Variants in MTCH1 observed in about 807,000 individuals in gnomAD.
MTCH1 encodes mitochondrial carrier 1, also known as mitochondrial carrier homolog 1.
MTCH1 carries 23 observed loss-of-function variants against 49.3 expected under a neutral mutation model. The observed-to-expected ratio is 0.47, with a 90% CI of 0.34 to 0.66. The LOEUF (loss-of-function observed/expected upper bound fraction) is 0.66. MTCH1 is among the 30% of genes least tolerant of loss of function. The pLI, the probability that MTCH1 is intolerant of heterozygous loss-of-function variation, is 0.01. For synonymous variants in MTCH1, 229 were observed against 215.2 expected, an observed-to-expected ratio of 1.06 and a Z score of -0.56; for missense variants, 397 against 532.1, an observed-to-expected ratio of 0.75 and a Z score of 2.50.
At chr6:36,985,173 C>A (rs911360602) in intron 1 of MTCH1, among the ~76,000 whole-genome samples, 1 of 151,778 alleles carries the variant, frequency 6.6e-6, no homozygotes, top group Non-Finnish European at 1.5e-5. Flanking sequence ...CGATAGCATT[C>A]CCCTGCAAAA....
intron 2 of MTCH1, among the ~76,000 whole-genome samples, chr6:36,980,482 G>A (rs1204514009): frequency 1.3e-5 from 2 of 152,098 alleles, no homozygotes; most frequent in East Asian, 1.9e-4. Context: ...TCTCCACTAC[G>A]CTGACAATTT....
rs561474203 is a variant in MTCH1, at chr6:36,986,031, C to T, written c.143G>A (p.Arg48His). The T allele has an allele frequency of 2.0e-6, 3 of 1,511,606 alleles. No homozygotes were observed. The highest frequency in any genetic ancestry group is 2.9e-5 in the African/African-American group (2 of 69,832). 93.6% of individuals were successfully genotyped at this position (1,511,606 alleles called of 1,614,324 possible). The part of the protein sequence containing the change: ...ARARDPPPAH[R>H]AHPRHPRPAA... Reference sequence around the variant, plus strand: ...AGGCCGAGGGTGGCGAGGATGTGCGCGGTGCGCGGGCGGTGGATCGCGAGC... The same window carrying T: ...AGGCCGAGGGTGGCGAGGATGTGCGTGGTGCGCGGGCGGTGGATCGCGAGC... Residue 48 changes from arginine (R) to histidine (H), a missense_variant, in exon 1 of 12, where the codon CGC becomes CAC. Around this residue, in one of 2 missense-constraint regions of MTCH1, gnomAD observed 145 missense variants for 143.8 expected, o/e 1.01. Transcript: ENST00000373627.
chr6:36,978,031 C>T lies in MTCH1; in HGVS notation c.591+47G>A, dbSNP rs188935847. ...GCCCAACTTGGGGGTGAGAAATCAT[C>T]AGGCTCCCCTCCACGCACCTCTCCC... On this transcript the variant is annotated intron_variant, in intron 4 of 11. Transcript: ENST00000373627. 1.1e-4 allele frequency: 160 copies of T among 1,515,646 alleles called. 1 individual carries two copies. In the African/African-American group the frequency reaches 1.6e-3, roughly 15 times the overall value. 93.9% of individuals were successfully genotyped at this position (1,515,646 alleles called of 1,614,324 possible). A position where few individuals can be genotyped will look rare whatever the true frequency, so the allele number is the denominator to read the frequency against.
Position 36,970,665 on chromosome 6 carries a change from A to G in MTCH1, c.936T>C (p.Tyr312=). ...AACTTACCCCCATCACGAACTTGGT[A>G]TAGCTCCGGATGGCCAGGGCCTGGC... ...QFSQALAIRS[Y]TKFVMGIAVS... is the part of the protein sequence containing the mutation. The change falls in exon 9 of 12, where the codon TAT becomes TAC. Residue 312 remains tyrosine, a synonymous_variant. Transcript: ENST00000373627. 1 of 1,614,196 alleles carries G rather than the reference A, an allele frequency of 6.2e-7. No homozygotes were observed.
rs144365701 is a variant in MTCH1, at chr6:36,970,672, C to T, written c.929G>A (p.Arg310Gln). The T allele has an allele frequency of 1.1e-5, 18 of 1,614,046 alleles. No homozygotes were observed. The highest frequency in any genetic ancestry group is 2.7e-5 in the African/African-American group (2 of 74,944). The change falls in exon 9 of 12, where the codon CGG becomes CAG. Residue 310 changes from arginine (R) to glutamine (Q), a missense_variant. Around this residue, in one of 2 missense-constraint regions of MTCH1, gnomAD observed 252 missense variants for 388.3 expected, o/e 0.65. Transcript: ENST00000373627. Reference sequence around the variant, plus strand: ...CCCCATCACGAACTTGGTATAGCTCCGGATGGCCAGGGCCTGGCTGAACTG... The same window carrying T: ...CCCCATCACGAACTTGGTATAGCTCTGGATGGCCAGGGCCTGGCTGAACTG... ...GSQFSQALAI[R>Q]SYTKFVMGIA...
Position 36,972,972 on chromosome 6 carries a change from G to C in MTCH1, c.762-176C>G, listed in dbSNP as rs1421870276. Among the ~76,000 whole-genome samples the C allele has an allele frequency of 6.6e-6, 1 of 152,170 alleles. No individual in the cohort carries two copies. Among genetic ancestry groups the C allele is most frequent in the Non-Finnish European group, 1.5e-5 (1 of 68,030 alleles). ...CAGCTATGCACACTGGGAAGATAGT[G>C]CTCCTTTTCCCATGGGGAGGTGTTC... On this transcript the variant is annotated intron_variant, in intron 7 of 11. Coordinates refer to ENST00000373627, the MANE Select transcript of MTCH1 (RefSeq NM_001271641.2). This position sits in a 1 kb window ranked among gnomAD's most constrained non-coding sequence, Gnocchi z 4.1.
intron 2 of MTCH1, among the ~76,000 whole-genome samples, chr6:36,980,874 C>A (rs1680881639): frequency 6.6e-6 from 1 of 152,194 alleles, no homozygotes; most frequent in African/African-American, 2.4e-5. Flanking sequence ...AAGGCCCTGG[C>A]CAGACGGCAC....
intron 1 of MTCH1, among the ~76,000 whole-genome samples, chr6:36,983,816 C>G (rs1213530686): frequency 6.6e-6 from 1 of 152,166 alleles, no homozygotes; most frequent in Non-Finnish European, 1.5e-5. Context: ...AGTAATTTGC[C>G]TTTCTGCAAG....
At chr6:36,969,398 G>A in intron 11 of MTCH1, 2 of 1,076,028 alleles carry the variant, frequency 1.9e-6, no homozygotes, top group East Asian at 7.7e-5. Context: ...CTCCCTCCGG[G>A]CCACTGCCCC....
rs988109891 is a variant in MTCH1 at position 36,977,331 on chromosome 6, A to G, written c.650-81T>C. 1 of 1,485,170 alleles carries G rather than the reference A, an allele frequency of 6.7e-7. No individual in the cohort carries two copies. Among genetic ancestry groups the G allele is most frequent in the Non-Finnish European group, 9.4e-7 (1 of 1,069,352 alleles). 92.0% of individuals were successfully genotyped at this position (1,485,170 alleles called of 1,614,324 possible). On this transcript the variant is annotated intron_variant, in intron 5 of 11. Transcript: ENST00000373627. This position sits in a 1 kb window ranked among gnomAD's most constrained non-coding sequence, Gnocchi z 5.4. Reference sequence around the variant, plus strand: ...GCTCCAGCCACCGGGTGCCAGGTGCAGAGTGGCCACTGAACAACGTGGCCT... The same window carrying G: ...GCTCCAGCCACCGGGTGCCAGGTGCGGAGTGGCCACTGAACAACGTGGCCT...
chr6:36,969,497 T>C (rs1315197609), intron 11 of MTCH1: 1 of 1,079,898 alleles, frequency 9.3e-7, no homozygotes, highest in Non-Finnish European at 1.1e-6. Flanking sequence ...GCCCAAGAGC[T>C]CCAGCTACGG....
Position 36,978,596 on chromosome 6 carries a change from T to C in MTCH1, c.422A>G (p.Gln141Arg), listed in dbSNP as rs1466405250. 6.2e-7 allele frequency: 1 copy of C among 1,614,064 alleles called. No homozygotes were observed. The highest frequency in any genetic ancestry group is 8.5e-7 in the Non-Finnish European group (1 of 1,179,966). ...SFFTYAKYIV[Q>R]VDGKIGLFRG... ...GAACAGCCCTATCTTACCATCCACT[T>C]GCACGATGTACTTGGCTGTAAGAAA... Residue 141 changes from glutamine to arginine, a missense_variant, in exon 3 of 12, where the codon CAA (glutamine) becomes CGA (arginine). Around this residue, in one of 2 missense-constraint regions of MTCH1, gnomAD observed 252 missense variants for 388.3 expected, o/e 0.65. Coordinates refer to ENST00000373627, the MANE Select transcript of MTCH1 (RefSeq NM_001271641.2).
intron 1 of MTCH1, 79 bp from the exon 2 acceptor site, chr6:36,981,751 C>T (rs2293390): frequency 0.44 from 522,757 of 1,195,166 alleles, 121,508 homozygotes; most frequent in African/African-American, 0.76. Context: ...ACACCTCTTG[C>T]CCCCTTTGCT....
chr6:36,970,358 C>A lies in MTCH1; in HGVS notation c.1022+48G>T, dbSNP rs374200120. On this transcript the variant is annotated intron_variant, in intron 10 of 11. Coordinates refer to ENST00000373627, the MANE Select transcript of MTCH1 (RefSeq NM_001271641.2). ...GAAGGGCTCGGTGGGTCTCCCCCAC[C>A]CCACAGCCTTGGTAGGTAGAGTGGC... 80 of 1,608,720 alleles carry A rather than the reference C, an allele frequency of 5.0e-5. No homozygotes were observed. In the African/African-American group the frequency reaches 9.5e-4, roughly 19 times the overall value.
In MTCH1 at chr6:36,982,842, T is replaced by G. The variant is rs1764150700; in HGVS notation, c.322-1170A>C. Among the ~76,000 whole-genome samples, 1 of 152,164 alleles carries G rather than the reference T, an allele frequency of 6.6e-6. No individual in the cohort carries two copies. The highest frequency in any genetic ancestry group is 2.1e-4 in the South Asian group (1 of 4,822). The stretch of plus-strand genomic sequence containing the variant: ...CTAGGTGGGGAGTGAGAAGGCTCCT[T>G]CCTCCCTTGGCAAGGGGCCAGGATA... On this transcript the variant is annotated intron_variant, in intron 1 of 11. Transcript: ENST00000373627. This position sits in a 1 kb window ranked among gnomAD's most constrained non-coding sequence, Gnocchi z 4.1.
In MTCH1 at chr6:36,985,974, C is replaced by T; in HGVS notation, c.200G>A (p.Gly67Asp). 2.6e-6 allele frequency: 4 copies of T among 1,547,912 alleles called. No individual in the cohort carries two copies. The highest frequency in any genetic ancestry group is 3.5e-6 in the Non-Finnish European group (4 of 1,146,464). Residue 67 changes from glycine to aspartate, a missense_variant, in exon 1 of 12, where the codon GGC (glycine) becomes GAC (aspartate). Gly to Asp is a moderately conservative substitution (Grantham distance 94). Coordinates refer to ENST00000373627, the MANE Select transcript of MTCH1 (RefSeq NM_001271641.2). ...AAQPSARRMDGGSGGLGSGDN... is the reference protein window; with the variant it reads ...AAQPSARRMDDGSGGLGSGDN... ...CCCAGACCCCAGGCCCCCTGACCCG[C>T]CATCCATCCTGCGGGCCGAGGGCTG...
Position 36,986,103 on chromosome 6 carries a change from G to C in MTCH1, c.71C>G (p.Ala24Gly), listed in dbSNP as rs1241110427. Residue 24 changes from alanine (A) to glycine (G), a missense_variant, in exon 1 of 12, where the codon GCT (alanine) becomes GGT (glycine). This residue lies in a region of MTCH1 where 145 missense variants were observed against 143.8 expected (regional missense o/e 1.01). Transcript: ENST00000373627. Reference protein sequence around the residue: ...GGAAGMAGAGAGAGARGGAAA... With the variant: ...GGAAGMAGAGGGAGARGGAAA... ...CGCTCCGCCGCGAGCTCCGGCTCCA[G>C]CTCCGGCTCCCGCCATCCCCGCGGC... The C allele has an allele frequency of 4.2e-6, 6 of 1,438,958 alleles. No homozygotes were observed. The highest frequency in any genetic ancestry group is 2.7e-6 in the Non-Finnish European group (3 of 1,106,718). 89.1% of individuals were successfully genotyped at this position (1,438,958 alleles called of 1,614,324 possible). A position where few individuals can be genotyped will look rare whatever the true frequency, so the allele number is the denominator to read the frequency against.
rs1227110076 is a variant in MTCH1, at chr6:36,978,541, G to A, written c.477C>T (p.Asn159=). The change falls in exon 3 of 12, where the codon AAC becomes AAT. Residue 159 remains asparagine, a synonymous_variant. Transcript: ENST00000373627. ...TACCCCGAGTCACAGTAGAGAGGGC[G>A]TTGGACATCAGCCGGGGACTCAGGC... ...FRGLSPRLMS[N]ALSTVTRGSM... 5.3e-5 allele frequency: 86 copies of A among 1,614,062 alleles called. No homozygotes were observed. The highest frequency in any genetic ancestry group is 6.6e-5 in the Non-Finnish European group (78 of 1,180,032).
intron 6 of MTCH1, chr6:36,976,376 A>G: frequency 5.5e-6 from 2 of 364,434 alleles, no homozygotes. Context: ...TAACAGAGGG[A>G]GCCAGTGGAA....
Sources: allele counts gnomAD v4.1 joint callset (sites outside exome capture counted in the v4.1 genomes callset), GRCh38; gene constraint gnomAD v4.1.1; regional missense constraint gnomAD v4.1.1; non-coding constraint Gnocchi (gnomAD v3.1); transcripts MANE v1.5; gene names NCBI Gene and HGNC (gene_info 2026-07-23, HGNC 2026-07-21).